APOL3: variants seen among roughly 807,000 people sequenced by gnomAD.
The protein encoded by APOL3 is TNF-inducible protein CG12-1.
Under a neutral mutation model 11.6 loss-of-function variants are expected in APOL3, and 14 were observed. The observed-to-expected ratio is 1.21, with a 90% CI of 0.80 to 1.89. APOL3 has a LOEUF of 1.89. APOL3 is among the 40% of genes most tolerant of loss of function. The pLI, the probability that APOL3 is intolerant of heterozygous loss-of-function variation, is 0.00. For missense variants in APOL3, 483 were observed against 492.1 expected, an observed-to-expected ratio of 0.98 and a Z score of 0.17; for synonymous variants, 192 against 190.6, an observed-to-expected ratio of 1.01 and a Z score of -0.06.
At chr22:36,141,587 T>A (rs1230756294) in exon 3 of APOL3, 29 of 1,614,072 alleles carry the variant, frequency 1.8e-5, no homozygotes, top group Admixed American at 1.0e-4. Flanking sequence ...GTAAGTTGGG[T>A]GTGATGTCAC....
chr22:36,149,975 T>TA (rs377466128), intron 1 of APOL3: 184 of 432,364 alleles, frequency 4.3e-4, no homozygotes, highest in East Asian at 5.0e-4. Context: ...CTAGGCACAT[T>TA]AAAAAAAAAT....
chr22:36,157,923 G>A (rs2013160610), intron 1 of APOL3, among the ~76,000 whole-genome samples: 2 of 152,100 alleles, frequency 1.3e-5, no homozygotes, highest in South Asian at 4.2e-4. Context: ...GGAGGCACGC[G>A]CCTGTAGTCC....
chr22:36,156,046 G>T, intron 1 of APOL3: 2 of 227,416 alleles, frequency 8.8e-6, no homozygotes, highest in South Asian at 8.9e-5. Flanking sequence ...TCCTTAGGCA[G>T]AGAGAGAGGG....
exon 2 of APOL3, chr22:36,145,518 T>C (rs746703584): frequency 1.9e-6 from 3 of 1,614,200 alleles, no homozygotes; most frequent in East Asian, 4.5e-5. Context: ...GGCTTCATTG[T>C]TAGTCAGCAG....
At chr22:36,160,884 A>G in exon 1 of APOL3, 2 of 1,613,414 alleles carry the variant, frequency 1.2e-6, no homozygotes, top group Non-Finnish European at 1.7e-6. Context: ...CCCTTGGCCC[A>G]GTCCCATCCT....
chr22:36,149,411 G>GGAC, intron 1 of APOL3: 1 of 1,291,190 alleles, frequency 7.7e-7, no homozygotes, highest in Non-Finnish European at 1.0e-6. Context: ...AGGAAGGGAT[G>GGAC]GACATCTGAT....
chr22:36,154,647 T>C (rs1214695523), intron 1 of APOL3: 1 of 470,974 alleles, frequency 2.1e-6, no homozygotes, highest in Non-Finnish European at 4.4e-6. Context: ...AGAAATAATG[T>C]CACAGAATAG....
intron 1 of APOL3, among the ~76,000 whole-genome samples, chr22:36,152,108 A>C (rs2011815876): frequency 6.6e-6 from 1 of 152,156 alleles, no homozygotes; most frequent in Non-Finnish European, 1.5e-5. Flanking sequence ...ACAGCTGGGC[A>C]TGCAGCAGGC....
intron 1 of APOL3, chr22:36,149,141 C>A (rs745574699): frequency 7.3e-7 from 1 of 1,366,618 alleles, no homozygotes; most frequent in African/African-American, 1.5e-5. Context: ...TTTTTCTTAA[C>A]CCTTGAGGAG....
upstream of APOL3, chr22:36,165,336 G>A (rs1331411411): frequency 1.3e-5 from 2 of 152,084 alleles, no homozygotes; most frequent in African/African-American, 2.4e-5. Context: ...TGAAATTGAT[G>A]AGCTTTTAAT....
intron 1 of APOL3, among the ~76,000 whole-genome samples, chr22:36,153,819 G>T (rs963559320): frequency 6.6e-6 from 1 of 152,154 alleles, no homozygotes; most frequent in Non-Finnish European, 1.5e-5. Flanking sequence ...AGGTGGTTGG[G>T]GTGTAGCTTG....
At chr22:36,144,706 T>C (rs2060120990) in intron 2 of APOL3, among the ~76,000 whole-genome samples, 2 of 152,124 alleles carry the variant, frequency 1.3e-5, no homozygotes, top group Admixed American at 1.3e-4. Context: ...CTGCTGGGCA[T>C]CCAACTCTAA....
chr22:36,148,935 G>A (rs750121191), intron 1 of APOL3, 111 bp downstream of exon 2: 21 of 1,082,624 alleles, frequency 1.9e-5, no homozygotes, highest in South Asian at 2.4e-5. Flanking sequence ...AAGACTCATC[G>A]GCCTGCTTGA....
chr22:36,158,342 G>A (rs957103062), intron 1 of APOL3, among the ~76,000 whole-genome samples: 2 of 152,132 alleles, frequency 1.3e-5, no homozygotes, highest in Non-Finnish European at 2.9e-5. Flanking sequence ...ACTTTACAAA[G>A]TGCCCCCACG....
chr22:36,158,634 A>G (rs1403668252), intron 1 of APOL3, among the ~76,000 whole-genome samples: 1 of 152,148 alleles, frequency 6.6e-6, no homozygotes, highest in East Asian at 1.9e-4. Context: ...CCTGGCTAAC[A>G]TGGTGAAACC....
upstream of APOL3, chr22:36,160,957 C>T (rs1438821688): frequency 7.0e-7 from 1 of 1,431,372 alleles, no homozygotes; most frequent in Non-Finnish European, 9.5e-7. Flanking sequence ...AGACGTCCTT[C>T]TTGGCCAACC....
upstream of APOL3, among the ~76,000 whole-genome samples, chr22:36,162,988 A>C (rs1221072725): frequency 6.6e-6 from 1 of 152,260 alleles, no homozygotes; most frequent in Non-Finnish European, 1.5e-5. Flanking sequence ...TTGCTGCATT[A>C]GAGAGGGGGT....
chr22:36,152,419 C>T (rs543665157), intron 1 of APOL3, among the ~76,000 whole-genome samples: 5 of 152,262 alleles, frequency 3.3e-5, no homozygotes, highest in African/African-American at 1.2e-4. Context: ...AGAACATTTA[C>T]ATATGAGAAC....
intron 2 of APOL3, among the ~76,000 whole-genome samples, chr22:36,142,415 G>C (rs1238645261): frequency 6.6e-6 from 1 of 152,112 alleles, no homozygotes; most frequent in South Asian, 2.1e-4. Flanking sequence ...AGAGAAGTGG[G>C]TTCGGAGCAA....
Sources: gnomAD v4.1 joint callset for allele counts (sites outside exome capture counted in the v4.1 genomes callset) on GRCh38, gnomAD v4.1.1 for gene constraint, MANE v1.5 for transcripts, NCBI Gene and HGNC (gene_info 2026-07-23, HGNC 2026-07-21) for gene names.